The following CASS4 variants were observed in gnomAD, a reference collection of about 807,000 sequenced individuals.
CASS4 encodes the protein Cas scaffold protein family member 4, also known as cas scaffolding protein family member 4.
CASS4 carries 22 observed loss-of-function variants against 54.2 expected under a neutral mutation model. That is an observed-to-expected ratio of 0.41 (90% CI 0.29 to 0.58). The LOEUF (loss-of-function observed/expected upper bound fraction) is 0.58, where lower values mean the gene tolerates loss of function less well. CASS4 is among the 20% of genes least tolerant of loss of function. The pLI, the probability that CASS4 is intolerant of heterozygous loss-of-function variation, is 0.36. For missense variants in CASS4, 854 were observed against 986.7 expected (o/e 0.87, Z 1.80); for synonymous variants, 409 against 391.5 (o/e 1.04, Z -0.53).
At chr20:56,413,997 A>G (rs1979013118) in intron 1 of CASS4, among the ~76,000 whole-genome samples, 1 of 152,236 alleles carries the variant, frequency 6.6e-6, no homozygotes, top group Non-Finnish European at 1.5e-5. Flanking sequence ...TAAATGGCCA[A>G]TACAATGACG....
Position 56,437,754 on chromosome 20 carries a change from C to T in CASS4, c.459+168C>T, listed in dbSNP as rs1465796231. Among the ~76,000 whole-genome samples, 1 of 152,174 alleles carries T rather than the reference C, an allele frequency of 6.6e-6. No individual in the cohort carries two copies. Among genetic ancestry groups the T allele is most frequent in the East Asian group, 1.9e-4 (1 of 5,178 alleles). On this transcript the variant is annotated intron_variant, in intron 2 of 5. Transcript: ENST00000679887. The surrounding 1 kb of genome is among the most constrained non-coding windows in gnomAD (Gnocchi z 4.7). ...TTGTGTGCCAGGTTGGGATGGAGAA[C>T]TCAGCGGCCTCCACCCCCTTGTCGT...
intron 1 of CASS4, among the ~76,000 whole-genome samples, chr20:56,421,095 G>C (rs1979390144): frequency 6.6e-6 from 1 of 152,186 alleles, no homozygotes; most frequent in Non-Finnish European, 1.5e-5. Context: ...TCATTTCTCT[G>C]TCATGCATTA....
chr20:56,433,184 G>C (rs962713641), intron 1 of CASS4, among the ~76,000 whole-genome samples: 3 of 152,216 alleles, frequency 2.0e-5, no homozygotes, highest in Non-Finnish European at 4.4e-5. Context: ...GTACTGATGT[G>C]CAAAGGTGTT....
chr20:56,425,363 C>T (rs1226266561), intron 1 of CASS4, among the ~76,000 whole-genome samples: 1 of 152,248 alleles, frequency 6.6e-6, no homozygotes, highest in East Asian at 1.9e-4. Flanking sequence ...TGTGGTTCCA[C>T]TCTGTGGCCC....
At chr20:56,418,003 A>C (rs576439358) in intron 1 of CASS4, among the ~76,000 whole-genome samples, 7 of 151,998 alleles carry the variant, frequency 4.6e-5, no homozygotes, top group Admixed American at 6.5e-5. Context: ...ACAACACCCA[A>C]CTCGAAAACA....
At position 56,453,026 on chromosome 20, in the gene CASS4, G is replaced by A. The variant is rs1981116217; in HGVS notation, c.1850G>A (p.Arg617Lys). The A allele has an allele frequency of 6.2e-7, 1 of 1,614,066 alleles. No individual in the cohort carries two copies. Reference protein sequence around the residue: ...KCEKYIQPPQRETESHQKSTP... With the variant: ...KCEKYIQPPQKETESHQKSTP... ...GAAAAATACATCCAGCCTCCCCAAA[G>A]AGAAACTGAATCACACCAAAAGAGT... Residue 617 changes from arginine (R) to lysine (K), a missense_variant, in exon 5 of 6, where the codon AGA becomes AAA. Coordinates refer to ENST00000679887, the MANE Select transcript of CASS4 (RefSeq NM_020356.4).
chr20:56,445,093 G>A (rs1180148140), intron 2 of CASS4, among the ~76,000 whole-genome samples: 2 of 151,148 alleles, frequency 1.3e-5, no homozygotes, highest in Non-Finnish European at 2.9e-5. Flanking sequence ...CTGGGCAACA[G>A]GAGCGAAGAT....
chr20:56,425,537 G>A lies in CASS4; in HGVS notation c.37-11627G>A, dbSNP rs115355790. On this transcript the variant is annotated intron_variant, in intron 1 of 5. Coordinates refer to ENST00000679887, the MANE Select transcript of CASS4 (RefSeq NM_020356.4). ...GCATCCTGGAAGTTCAGGGAGGTAA[G>A]AAGTCTTCCTGCATGTGGCAAACTG... Among the ~76,000 whole-genome samples, 705 of 152,322 alleles carry A rather than the reference G, an allele frequency of 4.6e-3. 4 individuals are homozygous for A. Among genetic ancestry groups the A allele is most frequent in the African/African-American group, 0.016 (676 of 41,572 alleles).
chr20:56,423,024 A>G (rs530351558), intron 1 of CASS4, among the ~76,000 whole-genome samples: 3 of 152,218 alleles, frequency 2.0e-5, no homozygotes, highest in South Asian at 2.1e-4. Flanking sequence ...ATCCTTCCCC[A>G]TGGCTGGGGT....
intron 5 of CASS4, 39 bp downstream of exon 5, chr20:56,453,168 A>T (rs1174558120): frequency 4.8e-6 from 7 of 1,471,186 alleles, no homozygotes; most frequent in Non-Finnish European, 6.5e-6. Context: ...AAGGGGCTTC[A>T]ATTGTTACCT....
chr20:56,428,415 A>G (rs1197059207), intron 1 of CASS4, among the ~76,000 whole-genome samples: 1 of 152,208 alleles, frequency 6.6e-6, no homozygotes, highest in Non-Finnish European at 1.5e-5. Flanking sequence ...TTGGGCAGGA[A>G]CACCCAGGCC....
At chr20:56,418,608 A>G (rs376637024) in intron 1 of CASS4, among the ~76,000 whole-genome samples, 2 of 152,198 alleles carry the variant, frequency 1.3e-5, no homozygotes, top group African/African-American at 4.8e-5. Context: ...CTGGGGTGGT[A>G]CCCTGCTCTT....
At chr20:56,432,430 C>T (rs745520032) in intron 1 of CASS4, among the ~76,000 whole-genome samples, 20 of 139,312 alleles carry the variant, frequency 1.4e-4, no homozygotes, top group African/African-American at 4.6e-4. Flanking sequence ...TGCAGTGGCG[C>T]GATCTTGGCT....
intron 1 of CASS4, among the ~76,000 whole-genome samples, chr20:56,424,523 C>T (rs1040007167): frequency 2.6e-5 from 4 of 151,954 alleles, no homozygotes; most frequent in African/African-American, 9.7e-5. Context: ...GGTGGATCAT[C>T]TGAGGTCAGG....
intron 1 of CASS4, among the ~76,000 whole-genome samples, chr20:56,433,192 GT>G (rs1351076622): frequency 4.6e-5 from 7 of 152,210 alleles, no homozygotes; most frequent in Admixed American, 4.6e-4. Context: ...GTGCAAAGGT[GT>G]TGGGCAGAAG....
chr20:56,451,334 C>G (rs774658419), intron 4 of CASS4, among the ~76,000 whole-genome samples: 1 of 152,142 alleles, frequency 6.6e-6, no homozygotes, highest in Non-Finnish European at 1.5e-5. Flanking sequence ...CTGTGTTGGG[C>G]AAAGGACTTT....
intron 2 of CASS4, among the ~76,000 whole-genome samples, chr20:56,444,789 G>T (rs1389068107): frequency 2.6e-5 from 4 of 152,168 alleles, no homozygotes; most frequent in Non-Finnish European, 5.9e-5. Context: ...AGTGCCTTGA[G>T]CAATAACTGG....
chr20:56,443,276 G>A (rs1158956473), intron 2 of CASS4, among the ~76,000 whole-genome samples: 1 of 151,356 alleles, frequency 6.6e-6, no homozygotes, highest in East Asian at 1.9e-4. Flanking sequence ...GAGGTCAGGA[G>A]TTCAAAACCA....
chr20:56,419,223 G>A (rs1182045691), intron 1 of CASS4, among the ~76,000 whole-genome samples: 2 of 152,142 alleles, frequency 1.3e-5, no homozygotes, highest in Non-Finnish European at 2.9e-5. Flanking sequence ...GAGCTGCCAC[G>A]GAGGGGGAGA....
Sources: allele counts gnomAD v4.1 joint callset (sites outside exome capture counted in the v4.1 genomes callset), GRCh38; gene constraint gnomAD v4.1.1; non-coding constraint Gnocchi (gnomAD v3.1); transcripts MANE v1.5; gene names NCBI Gene and HGNC (gene_info 2026-07-23, HGNC 2026-07-21).